Variants in IQGAP3 observed in about 807,000 individuals in gnomAD.
The protein encoded by IQGAP3 is ras GTPase-activating-like protein IQGAP3.
In IQGAP3, 165 loss-of-function variants were observed where a neutral mutation model predicts 208.2. The ratio of observed to expected loss-of-function variants is 0.79; its 90% CI spans 0.70 to 0.90. IQGAP3 has a LOEUF of 0.90. Ranked by LOEUF, IQGAP3 falls within the 40% of genes least tolerant of loss-of-function variation. IQGAP3 has a pLI of 0.00. For synonymous variants in IQGAP3, 703 were observed against 803.6 expected (o/e 0.87, Z 2.12); for missense variants, 1,811 against 2,043.1 (o/e 0.89, Z 2.19).
At chr1:156,529,121 C>T in intron 34 of IQGAP3, 39 bp from the exon 35 acceptor site, 1 of 1,608,098 alleles carries the variant, frequency 6.2e-7, no homozygotes, top group Non-Finnish European at 8.5e-7. Flanking sequence ...AGTGGTCCTT[C>T]CTGGCAGGAG....
rs1675550678 is a variant in IQGAP3, at chr1:156,551,646, C to T, written c.1734+59G>A. On this transcript the variant is annotated intron_variant, in intron 15 of 37. Transcript: ENST00000361170. ...GAGCTCTGCCAGACTGGGTACAGTGCAACCCACAGAGAATGTTCTTCCTGC... is the reference window on the plus strand; with the variant it reads ...GAGCTCTGCCAGACTGGGTACAGTGTAACCCACAGAGAATGTTCTTCCTGC... 3 of 1,530,790 alleles carry T rather than the reference C, an allele frequency of 2.0e-6. No individual in the cohort carries two copies. In the Admixed American group the frequency reaches 5.5e-5, roughly 28 times the overall value. The allele number at this position is 1,530,790 out of a possible 1,614,324, so 94.8% of individuals were successfully genotyped here.
Position 156,548,595 on chromosome 1 carries a change from T to C in IQGAP3, c.1979A>G (p.Lys660Arg). ...YQRALESAMA[K>R]KQRPADTAFW... Reference sequence around the variant, plus strand: ...GGGGCCATTACCTGGACGCTGTTTCTTTGCCATGGCACTTTCCAGGGCTCG... The same window carrying C: ...GGGGCCATTACCTGGACGCTGTTTCCTTGCCATGGCACTTTCCAGGGCTCG... Residue 660 changes from lysine to arginine, a missense_variant, in exon 17 of 38, where the codon AAG (lysine) becomes AGG (arginine). By Grantham distance (26) the Lys-to-Arg change is conservative (BLOSUM62 2). Transcript: ENST00000361170. 1.2e-6 allele frequency: 2 copies of C among 1,600,846 alleles called. No individual in the cohort carries two copies. Among genetic ancestry groups the C allele is most frequent in the Non-Finnish European group, 1.7e-6 (2 of 1,171,116 alleles).
intron 35 of IQGAP3, 45 bp downstream of exon 35, chr1:156,528,871 G>C (rs1330456220): frequency 6.2e-7 from 1 of 1,608,164 alleles, no homozygotes; most frequent in Admixed American, 1.7e-5. Flanking sequence ...GGGCAGGGGT[G>C]AGAAGTCACT....
intron 2 of IQGAP3, among the ~76,000 whole-genome samples, chr1:156,567,791 T>C (rs7519329): frequency 0.023 from 3,455 of 152,308 alleles, 121 homozygotes; most frequent in African/African-American, 0.078. Flanking sequence ...CCTGTACAGA[T>C]TGACTTTTAG....
At chr1:156,531,695 C>T (rs541122524) in intron 32 of IQGAP3, among the ~76,000 whole-genome samples, 30 of 150,546 alleles carry the variant, frequency 2.0e-4, no homozygotes, top group African/African-American at 6.8e-4. Context: ...ACCTCTGCCT[C>T]CCAGGTTCAA....
chr1:156,543,699 G>A (rs911141981), intron 22 of IQGAP3, among the ~76,000 whole-genome samples: 1 of 152,196 alleles, frequency 6.6e-6, no homozygotes, highest in Non-Finnish European at 1.5e-5. Context: ...AAGAAAAGAA[G>A]CAAGATCCTT....
In IQGAP3 at chr1:156,529,037, G is replaced by C. The variant is rs1173447569; in HGVS notation, c.4450C>G (p.Leu1484Val). 6.2e-7 allele frequency: 1 copy of C among 1,614,220 alleles called. No individual in the cohort carries two copies. The change falls in exon 35 of 38, where the codon CTG becomes GTG. Residue 1484 changes from leucine (L) to valine (V), a missense_variant. Leu to Val is a conservative substitution (Grantham distance 32). Transcript: ENST00000361170. ...TGTAATGTGGCCTGCAGCTTCACCA[G>C]CTCTGCCTTCCGCCTGTGCCTGTGT... ...HRHRHRRKAE[L>V]VKLQATLQGL...
At chr1:156,569,604 C>T (rs543015604) in intron 1 of IQGAP3, 141 bp from the exon 2 acceptor site, 7 of 414,008 alleles carry the variant, frequency 1.7e-5, no homozygotes, top group South Asian at 1.4e-4. Flanking sequence ...CTGCAAGCTC[C>T]GCCTCCCGGG....
intron 12 of IQGAP3, among the ~76,000 whole-genome samples, chr1:156,556,152 T>A (rs1311493679): frequency 6.6e-6 from 1 of 152,200 alleles, no homozygotes; most frequent in Admixed American, 6.5e-5. Flanking sequence ...CGTTTCACTG[T>A]CAGAGAAGAA....
In IQGAP3 at chr1:156,529,916, C is replaced by CA. The variant is rs57536386; in HGVS notation, c.4404+188dup. ...AGCCTGGATGAGAGTGAGACTGTCT[C>CA]AAAAAAAAAAAAAAAAAAGAAAAAA... On this transcript the variant is annotated intron_variant, in intron 34 of 37. Transcript: ENST00000361170. Among the ~76,000 whole-genome samples the CA allele has an allele frequency of 3.7e-3, 255 of 68,746 alleles. 3 individuals are homozygous for CA. The highest frequency in any genetic ancestry group is 5.4e-3 in the African/African-American group (91 of 16,872). The allele number at this position is 68,746 out of a possible 152,430, so 45.1% of individuals were successfully genotyped here. A position where few individuals can be genotyped will look rare whatever the true frequency, so the allele number is the denominator to read the frequency against.
At position 156,551,966 on chromosome 1, in the gene IQGAP3, A is replaced by G. The variant is rs1675573557; in HGVS notation, c.1570+8T>C. ...GGCCATCTCCACCCAGCTCCAGACT[A>G]TACTTACGGTCAGTCTCTTCCTGGG... is the stretch of plus-strand genomic sequence containing the variant. On this transcript the variant is annotated splice_region_variant and intron_variant, in intron 14 of 37. Coordinates refer to ENST00000361170, the MANE Select transcript of IQGAP3 (RefSeq NM_178229.5). The G allele has an allele frequency of 1.2e-6, 2 of 1,613,296 alleles. No individual in the cohort carries two copies. The highest frequency in any genetic ancestry group is 2.7e-5 in the African/African-American group (2 of 75,034).
chr1:156,531,415 C>T (rs568252288), intron 32 of IQGAP3, among the ~76,000 whole-genome samples, 168 bp from the exon 33 acceptor site: 11 of 152,052 alleles, frequency 7.2e-5, no homozygotes, highest in Admixed American at 1.3e-4. Context: ...GAATACCTTC[C>T]CAACAAACTA....
At chr1:156,549,636 T>G (rs1269829073) in intron 16 of IQGAP3, among the ~76,000 whole-genome samples, 1 of 152,052 alleles carries the variant, frequency 6.6e-6, no homozygotes, top group Non-Finnish European at 1.5e-5. Context: ...AGACCCTGTC[T>G]TAAAAAAGAA....
intron 21 of IQGAP3, 27 bp from the exon 22 acceptor site, chr1:156,544,077 G>C (rs753696712): frequency 6.2e-7 from 1 of 1,613,886 alleles, no homozygotes; most frequent in East Asian, 2.2e-5. Flanking sequence ...TTGGAAAAGG[G>C]TTGCTGGCTG....
At chr1:156,537,007 TA>T in intron 27 of IQGAP3, 173 bp downstream of exon 27, 1 of 617,526 alleles carries the variant, frequency 1.6e-6, no homozygotes, top group Non-Finnish European at 2.7e-6. Flanking sequence ...CTCAGCTCTC[TA>T]GCAGGAGCTT....
intron 27 of IQGAP3, among the ~76,000 whole-genome samples, chr1:156,535,709 T>C (rs1674656226): frequency 6.6e-6 from 1 of 152,142 alleles, no homozygotes; most frequent in African/African-American, 2.4e-5. Context: ...AGAGCATCTG[T>C]GAGTGGCCTA....
At position 156,552,084 on chromosome 1, in the gene IQGAP3, G is replaced by A. The variant is rs1229847686; in HGVS notation, c.1460C>T (p.Ala487Val). The A allele has an allele frequency of 1.2e-6, 2 of 1,614,088 alleles. No homozygotes were observed. The highest frequency in any genetic ancestry group is 1.7e-6 in the Non-Finnish European group (2 of 1,179,980). ...EGENAQRYFDALLKLRQERGM... is the reference protein window; with the variant it reads ...EGENAQRYFDVLLKLRQERGM... ...ACGCTCCTGTCGCAATTTCAGCAGG[G>A]CATCGAAGTAACTGGCAGTGGGGTG... is the stretch of plus-strand genomic sequence containing the variant. Residue 487 changes from alanine (A) to valine (V), a missense_variant, in exon 14 of 38, where the codon GCC (alanine) becomes GTC (valine). Ala to Val is a moderately conservative substitution (Grantham distance 64). Coordinates refer to ENST00000361170, the MANE Select transcript of IQGAP3 (RefSeq NM_178229.5).
At chr1:156,551,327 A>C (rs1222553954) in intron 15 of IQGAP3, among the ~76,000 whole-genome samples, 1 of 152,148 alleles carries the variant, frequency 6.6e-6, no homozygotes, top group African/African-American at 2.4e-5. Flanking sequence ...CAGGTTCAGA[A>C]CCCTGCCCCA....
Position 156,531,148 on chromosome 1 carries a change from C to G in IQGAP3, c.4191+12G>C, listed in dbSNP as rs770291275. On this transcript the variant is annotated intron_variant, in intron 33 of 37. Transcript: ENST00000361170. Reference sequence around the variant, plus strand: ...AATGAGACAGAACCTGTGGGCCAGCCCGGCTACTCACTTGCTCTCTGGAAG... The same window carrying G: ...AATGAGACAGAACCTGTGGGCCAGCGCGGCTACTCACTTGCTCTCTGGAAG... The G allele has an allele frequency of 1.3e-6, 2 of 1,598,768 alleles. No individual in the cohort carries two copies. Among genetic ancestry groups the G allele is most frequent in the Non-Finnish European group, 1.7e-6 (2 of 1,166,172 alleles).
Sources: allele counts gnomAD v4.1 joint callset (sites outside exome capture counted in the v4.1 genomes callset), GRCh38; gene constraint gnomAD v4.1.1; transcripts MANE v1.5; gene names NCBI Gene and HGNC (gene_info 2026-07-23, HGNC 2026-07-21).